Variants in FBXL18 observed in about 807,000 individuals in gnomAD.
FBXL18 encodes F-box and leucine rich repeat protein 18, also known as F-box/LRR-repeat protein 18.
A neutral mutation model predicts 46.0 loss-of-function variants in FBXL18; 36 were observed. The ratio of observed to expected loss-of-function variants is 0.78; its 90% CI spans 0.60 to 1.03. The LOEUF is 1.03. Among genes scored for constraint, FBXL18 ranks in the 50% least tolerant of loss-of-function variants. FBXL18 has a pLI of 0.00. For missense variants in FBXL18, 977 were observed against 1,004.1 expected (o/e 0.97, Z 0.36); for synonymous variants, 557 against 465.3 (o/e 1.20, Z -2.54).
downstream of FBXL18, among the ~76,000 whole-genome samples, chr7:5,475,078 G>A (rs1427516659): frequency 6.6e-6 from 1 of 150,688 alleles, no homozygotes; most frequent in African/African-American, 2.4e-5. This position sits in a 1 kb window ranked among gnomAD's most constrained non-coding sequence, Gnocchi z 4.2. Flanking sequence ...CAGCACTTTG[G>A]GAGGCCGAGG....
chr7:5,494,289 A>T (rs918979751), intron 3 of FBXL18, among the ~76,000 whole-genome samples: 1 of 151,308 alleles, frequency 6.6e-6, no homozygotes, highest in South Asian at 2.1e-4. Flanking sequence ...AAAAAAAAAA[A>T]TTAGCTGGGC....
chr7:5,510,302 C>CA (rs757878539), intron 1 of FBXL18, among the ~76,000 whole-genome samples: 828 of 77,276 alleles, frequency 0.011, 10 homozygotes, highest in African/African-American at 0.013. Context: ...GACTCTGTCT[C>CA]AAAAAAAAAA....
At chr7:5,486,924 T>G (rs116258732) in intron 4 of FBXL18, among the ~76,000 whole-genome samples, 5,808 of 151,860 alleles carry the variant, frequency 0.038, 148 homozygotes, top group Middle Eastern at 0.072. Flanking sequence ...GCTCCATAAA[T>G]CCTCCAGGCA....
chr7:5,454,953 C>G (rs1455012449), intron 4 of FBXL18, among the ~76,000 whole-genome samples: 2 of 152,222 alleles, frequency 1.3e-5, no homozygotes, highest in Non-Finnish European at 2.9e-5. Context: ...GTAGAGTTTG[C>G]TTACCAATGC....
At position 5,500,961 on chromosome 7, in the gene FBXL18, G is replaced by A. The variant is rs1191990096; in HGVS notation, c.1308C>T (p.Pro436=). ...GCACTGCGTGCATGGCCGGCTGGGC[G>A]GGCGCGCGGTCGGCGCGCGGCGCGG... The part of the protein sequence containing the change: ...ADSAPRADRA[P]AQPAMHAVPR... Residue 436 remains proline (P), a synonymous_variant, in exon 3 of 5, where the codon CCC becomes CCT. Coordinates refer to ENST00000382368, the MANE Select transcript of FBXL18 (RefSeq NM_024963.6). The A allele has an allele frequency of 3.3e-5, 51 of 1,535,056 alleles. No individual in the cohort carries two copies. The highest frequency in any genetic ancestry group is 4.4e-5 in the Non-Finnish European group (50 of 1,146,642).
At chr7:5,483,927 G>C (rs1783710241) in intron 4 of FBXL18, among the ~76,000 whole-genome samples, 1 of 152,196 alleles carries the variant, frequency 6.6e-6, no homozygotes, top group Non-Finnish European at 1.5e-5. Context: ...GACCCTGCCT[G>C]AGGTGGTGCT....
intron 1 of FBXL18, among the ~76,000 whole-genome samples, chr7:5,508,321 C>T (rs1482351100): frequency 6.6e-6 from 1 of 151,070 alleles, no homozygotes; most frequent in Non-Finnish European, 1.5e-5. Context: ...GTGGCGGGCA[C>T]CTGTAATCCC....
At position 5,496,237 on chromosome 7, in the gene FBXL18, T is replaced by A. The variant is rs1241528619; in HGVS notation, c.1781+4251A>T. 1.3e-5 allele frequency among the ~76,000 whole-genome samples: 2 copies of A among 151,996 alleles called. No individual in the cohort carries two copies. The stretch of plus-strand genomic sequence containing the variant: ...GAGGTTGTTGAGAATATCAAAGGGG[T>A]CAAGACCTGTACACCCATGAAAAGC... On this transcript the variant is annotated intron_variant, in intron 3 of 4. Transcript: ENST00000382368. This position sits in a 1 kb window ranked among gnomAD's most constrained non-coding sequence, Gnocchi z 4.8.
At chr7:5,474,686 T>TTTTTA (rs1554317766), downstream of FBXL18, among the ~76,000 whole-genome samples, 3 of 39,396 alleles carry the variant, frequency 7.6e-5, no homozygotes, top group African/African-American at 2.9e-4. Flanking sequence ...GCACTTTATT[T>TTTTTA]TTTATTTATT....
At chr7:5,510,100 G>A (rs565845627) in intron 1 of FBXL18, among the ~76,000 whole-genome samples, 40 of 151,848 alleles carry the variant, frequency 2.6e-4, no homozygotes, top group Admixed American at 6.6e-4. Flanking sequence ...TCAGGAGTTC[G>A]AGACTAGCCT....
chr7:5,506,353 G>C (rs968005086), intron 1 of FBXL18, among the ~76,000 whole-genome samples: 1 of 151,276 alleles, frequency 6.6e-6, no homozygotes, highest in African/African-American at 2.4e-5. Context: ...GGTTGAAGCA[G>C]TTCTCCTGGC....
At chr7:5,485,552 G>A (rs1032679432) in intron 4 of FBXL18, among the ~76,000 whole-genome samples, 3 of 152,176 alleles carry the variant, frequency 2.0e-5, no homozygotes, top group Admixed American at 6.5e-5. Flanking sequence ...AGTGGCTCAC[G>A]CCTGTAATCC....
intron 3 of FBXL18, 127 bp from the exon 4 acceptor site, chr7:5,491,576 TC>T: frequency 2.7e-6 from 2 of 741,306 alleles, no homozygotes; most frequent in Non-Finnish European, 4.3e-6. Context: ...TCCCGCCACC[TC>T]CCACCAATAC....
Position 5,501,599 on chromosome 7 carries a change from C to T in FBXL18, c.670G>A (p.Val224Met), listed in dbSNP as rs749670875. ...SGQLMVGQSN[V>M]PHYQNLRVFY... Reference sequence around the variant, plus strand: ...ACCCGCAGGTTCTGGTAGTGCGGCACGTTGCTCTGGCCCACCATAAGCTGG... The same window carrying T: ...ACCCGCAGGTTCTGGTAGTGCGGCATGTTGCTCTGGCCCACCATAAGCTGG... Residue 224 changes from valine to methionine, a missense_variant, in exon 3 of 5, where the codon GTG becomes ATG. Transcript: ENST00000382368. 23 of 1,613,742 alleles carry T rather than the reference C, an allele frequency of 1.4e-5. No homozygotes were observed. Among genetic ancestry groups the T allele is most frequent in the Non-Finnish European group, 1.6e-5 (19 of 1,180,014 alleles).
chr7:5,473,086 G>A (rs891626805), downstream of FBXL18, among the ~76,000 whole-genome samples: 2 of 152,018 alleles, frequency 1.3e-5, no homozygotes, highest in East Asian at 1.9e-4. Context: ...AGCACCGACC[G>A]CTGATTTCCC....
At chr7:5,490,067 C>T in intron 4 of FBXL18, 1 of 1,355,056 alleles carries the variant, frequency 7.4e-7, no homozygotes, top group Non-Finnish European at 9.8e-7. Flanking sequence ...CCTGAGACAG[C>T]CAGCGGCCGA....
At chr7:5,472,326 G>C (rs566201149), downstream of FBXL18, among the ~76,000 whole-genome samples, 3 of 152,174 alleles carry the variant, frequency 2.0e-5, no homozygotes, top group Non-Finnish European at 4.4e-5. Flanking sequence ...TGGCAAGTGG[G>C]GGGTCTGTGC....
chr7:5,504,423 G>A (rs1044215752), intron 2 of FBXL18, among the ~76,000 whole-genome samples: 10 of 146,658 alleles, frequency 6.8e-5, no homozygotes, highest in Admixed American at 3.4e-4. Context: ...TCGTGCCTCA[G>A]CCTCCTAAGT....
chr7:5,469,276 G>A (rs1247694754), intron 4 of FBXL18, among the ~76,000 whole-genome samples: 1 of 152,178 alleles, frequency 6.6e-6, no homozygotes, highest in Non-Finnish European at 1.5e-5. Flanking sequence ...GCCAGGCATG[G>A]TGGCGTGCAC....
Sources: allele counts gnomAD v4.1 joint callset (sites outside exome capture counted in the v4.1 genomes callset), GRCh38; gene constraint gnomAD v4.1.1; non-coding constraint Gnocchi (gnomAD v3.1); transcripts MANE v1.5; gene names NCBI Gene and HGNC (gene_info 2026-07-23, HGNC 2026-07-21).